RBPJ: variants seen among roughly 807,000 people sequenced by gnomAD.
RBPJ encodes the protein recombination signal binding protein for immunoglobulin kappa J region.
RBPJ carries 9 observed loss-of-function variants against 67.8 expected under a neutral mutation model. That is an observed-to-expected ratio of 0.13 (90% CI 0.08 to 0.23). The LOEUF (loss-of-function observed/expected upper bound fraction) is 0.23. RBPJ is among the 10% of genes least tolerant of loss of function. The pLI is 1.00. For synonymous variants in RBPJ, 198 were observed against 203.3 expected (o/e 0.97, Z 0.22); for missense variants, 305 against 595.6 (o/e 0.51, Z 5.08).
intron 1 of RBPJ, among the ~76,000 whole-genome samples, chr4:26,255,757 G>C (rs564809476): frequency 2.0e-5 from 3 of 149,472 alleles, no homozygotes; most frequent in South Asian, 4.2e-4. Context: ...AGCCGAGATC[G>C]TGCCACTGCA....
intron 1 of RBPJ, among the ~76,000 whole-genome samples, chr4:26,384,221 A>G (rs992212346): frequency 2.0e-5 from 3 of 152,194 alleles, no homozygotes; most frequent in African/African-American, 7.2e-5. Context: ...TCTTCTTTCA[A>G]AAACTTGGGT....
At chr4:26,373,909 T>G (rs191467715) in intron 1 of RBPJ, among the ~76,000 whole-genome samples, 2,025 of 144,626 alleles carry the variant, frequency 0.014, 26 homozygotes, top group Admixed American at 0.023. Flanking sequence ...ACAGCTTTAT[T>G]TTTTACTTTT....
rs1186115038 is a variant in RBPJ, at chr4:26,179,360, C to T, written c.-167+15746C>T. Among the ~76,000 whole-genome samples the T allele has an allele frequency of 3.3e-5, 5 of 150,466 alleles. No individual in the cohort carries two copies. In the East Asian group the frequency reaches 5.9e-4, roughly 18 times the overall value. ...CAGATTCCCCAAAGAGTTACTAATG[C>T]GGATGGAGCCCCACTGTGGTCCCAG... is the stretch of plus-strand genomic sequence containing the variant. On this transcript the variant is annotated intron_variant, in intron 1 of 4. Transcript: ENST00000512351.
chr4:26,380,302 AT>A (rs1332071762), intron 1 of RBPJ, among the ~76,000 whole-genome samples: 1 of 152,094 alleles, frequency 6.6e-6, no homozygotes, highest in Non-Finnish European at 1.5e-5. Flanking sequence ...ATCGTTGTTC[AT>A]TTGTTGTAAT....
intron 1 of RBPJ, among the ~76,000 whole-genome samples, chr4:26,293,111 C>T (rs1026783426): frequency 6.7e-6 from 1 of 150,196 alleles, no homozygotes; most frequent in African/African-American, 2.5e-5. Flanking sequence ...TAAGCAGAAG[C>T]CACACTCTGA....
rs1385687995 is a variant in RBPJ, at chr4:26,164,358, C to A, written c.-167+744C>A. On this transcript the variant is annotated intron_variant, in intron 1 of 4. Transcript: ENST00000512351. ...ATACATACACTTGTACACCTATACA[C>A]TATTATTGAGTGCCTGCTGTATATT... 2.0e-5 allele frequency among the ~76,000 whole-genome samples: 3 copies of A among 152,296 alleles called. No individual in the cohort carries two copies. In the East Asian group the frequency reaches 5.8e-4, roughly 29 times the overall value.
chr4:26,334,717 C>T (rs1004135851), intron 1 of RBPJ, among the ~76,000 whole-genome samples: 4 of 152,310 alleles, frequency 2.6e-5, no homozygotes, highest in Middle Eastern at 3.4e-3. Flanking sequence ...TAAATAACCT[C>T]CTTTTACCAG....
At chr4:26,107,495 G>A in the RBPJ span, among the ~76,000 whole-genome samples, 2 of 152,190 alleles carry the variant, frequency 1.3e-5, no homozygotes, top group Non-Finnish European at 1.5e-5. Context: ...CAGACTTCAC[G>A]CAAGGGTTGG....
chr4:26,234,770 G>A (rs1719398426), intron 1 of RBPJ, among the ~76,000 whole-genome samples: 1 of 152,082 alleles, frequency 6.6e-6, no homozygotes, highest in Admixed American at 6.6e-5. Context: ...TAGGCTCACT[G>A]CAACCTCCTA....
At chr4:26,306,439 ATTATTATTAT>A (rs1722241731) in intron 1 of RBPJ, among the ~76,000 whole-genome samples, 1 of 99,626 alleles carries the variant, frequency 1.0e-5, no homozygotes. Context: ...TATTTGGAGA[ATTATTATTAT>A]TATTATTATT....
chr4:26,136,573 T>A, the RBPJ span, among the ~76,000 whole-genome samples: 1 of 152,134 alleles, frequency 6.6e-6, no homozygotes, highest in African/African-American at 2.4e-5. Flanking sequence ...CCCCCATGCC[T>A]CTCCTTGGAT....
At chr4:26,312,765 T>C (rs947473615) in intron 1 of RBPJ, among the ~76,000 whole-genome samples, 14 of 152,220 alleles carry the variant, frequency 9.2e-5, no homozygotes, top group African/African-American at 2.4e-4. Flanking sequence ...AGGGAGTCCT[T>C]AGAGGCTGGG....
chr4:26,218,629 G>T (rs1436500043), intron 1 of RBPJ, among the ~76,000 whole-genome samples: 1 of 152,178 alleles, frequency 6.6e-6, no homozygotes, highest in Non-Finnish European at 1.5e-5. Flanking sequence ...TGCCAGGCGT[G>T]CAAATCCCCA....
chr4:26,434,976 A>G (rs1048954049), downstream of RBPJ: 43 of 152,372 alleles, frequency 2.8e-4, no homozygotes, highest in African/African-American at 1.0e-3. Flanking sequence ...ATTTCAGAAT[A>G]CTTCATAAAG....
At chr4:26,368,870 A>G (rs933038559) in intron 1 of RBPJ, among the ~76,000 whole-genome samples, 1 of 152,238 alleles carries the variant, frequency 6.6e-6, no homozygotes, top group Non-Finnish European at 1.5e-5. Context: ...AAATATGCTT[A>G]TAAAATGGGG....
chr4:26,302,560 T>A (rs1722109848), intron 1 of RBPJ, among the ~76,000 whole-genome samples: 1 of 152,054 alleles, frequency 6.6e-6, no homozygotes, highest in African/African-American at 2.4e-5. Context: ...TAATTCACAA[T>A]GGTAATAAGG....
intron 1 of RBPJ, among the ~76,000 whole-genome samples, chr4:26,210,760 T>TTCC: frequency 1.0e-5 from 1 of 99,964 alleles, no homozygotes; most frequent in African/African-American, 4.1e-5. Flanking sequence ...TCCTTCTTTC[T>TTCC]TTCTTTCTTT....
At chr4:26,362,455 T>G in intron 1 of RBPJ, 1 of 1,443,852 alleles carries the variant, frequency 6.9e-7, no homozygotes, top group Admixed American at 3.0e-5. Context: ...GTCATTGAAA[T>G]TATGAGACTA....
At chr4:26,270,706 G>T (rs546148157) in intron 1 of RBPJ, among the ~76,000 whole-genome samples, 1 of 151,662 alleles carries the variant, frequency 6.6e-6, no homozygotes, top group African/African-American at 2.4e-5. Flanking sequence ...TAGCATGGAG[G>T]GTTTTTTGGA....
Sources: allele counts gnomAD v4.1 joint callset (sites outside exome capture counted in the v4.1 genomes callset), GRCh38; gene constraint gnomAD v4.1.1; transcripts MANE v1.5; gene names NCBI Gene and HGNC (gene_info 2026-07-23, HGNC 2026-07-21).